USP6NL: variants seen among roughly 807,000 people sequenced by gnomAD.
USP6NL encodes the protein USP6 N-terminal-like protein.
A neutral mutation model predicts 61.9 loss-of-function variants in USP6NL; 26 were observed. The ratio of observed to expected loss-of-function variants is 0.42; its 90% CI spans 0.31 to 0.58. The LOEUF (loss-of-function observed/expected upper bound fraction) is 0.58. Among genes scored for constraint, USP6NL ranks in the 20% least tolerant of loss-of-function variants. The pLI is 0.16. For synonymous variants in USP6NL, 432 were observed against 390.1 expected (o/e 1.11, Z -1.27); for missense variants, 1,114 against 1,034.3 (o/e 1.08, Z -1.06).
At chr10:11,473,186 G>GT (rs965234880) in intron 14 of USP6NL, among the ~76,000 whole-genome samples, 16 of 152,054 alleles carry the variant, frequency 1.1e-4, no homozygotes, top group African/African-American at 3.6e-4. Context: ...ATAAACAGTA[G>GT]TTTTTTTATT....
chr10:11,527,323 G>T (rs1324061756), intron 3 of USP6NL, among the ~76,000 whole-genome samples, 177 bp downstream of exon 3: 1 of 152,214 alleles, frequency 6.6e-6, no homozygotes, highest in Admixed American at 6.5e-5. Flanking sequence ...GCAACCGACT[G>T]AAGTGGAGAA....
intron 2 of USP6NL, among the ~76,000 whole-genome samples, chr10:11,550,199 T>A (rs1836430857): frequency 1.3e-5 from 2 of 152,126 alleles, no homozygotes; most frequent in Non-Finnish European, 2.9e-5. Flanking sequence ...TAGGAGATAA[T>A]CTCGATGATA....
intron 2 of USP6NL, among the ~76,000 whole-genome samples, chr10:11,551,926 T>C (rs903671248): frequency 1.7e-4 from 26 of 152,186 alleles, no homozygotes; most frequent in Non-Finnish European, 7.4e-5. Flanking sequence ...CTTCCTAAAA[T>C]GGGCTTTAGT....
chr10:11,473,244 T>TACAGCC (rs939397461), intron 14 of USP6NL, among the ~76,000 whole-genome samples: 2 of 151,878 alleles, frequency 1.3e-5, no homozygotes, highest in South Asian at 2.1e-4. Context: ...AAGTAACAAA[T>TACAGCC]ACAGCCACAG....
At chr10:11,583,946 T>C (rs1837879248) in intron 2 of USP6NL, among the ~76,000 whole-genome samples, 1 of 152,112 alleles carries the variant, frequency 6.6e-6, no homozygotes, top group Non-Finnish European at 1.5e-5. Context: ...GGAGAATCGC[T>C]TGAACCCAGG....
At chr10:11,572,951 T>C (rs1837414526) in intron 2 of USP6NL, among the ~76,000 whole-genome samples, 1 of 152,134 alleles carries the variant, frequency 6.6e-6, no homozygotes, top group Non-Finnish European at 1.5e-5. Flanking sequence ...CATTAGCTCA[T>C]TTAAGATCTG....
In USP6NL at chr10:11,575,444, T is replaced by C. The variant is rs1471864910; in HGVS notation, c.4+22187A>G. Among the ~76,000 whole-genome samples, 1 of 152,230 alleles carries C rather than the reference T, an allele frequency of 6.6e-6. No individual in the cohort carries two copies. On this transcript the variant is annotated intron_variant, in intron 2 of 14. Transcript: ENST00000609104. The surrounding 1 kb of genome is among the most constrained non-coding windows in gnomAD (Gnocchi z 4.2). ...TTTTGACAGGTAACTTTCCATTAGC[T>C]TTCCTCTCTCCCAGTCTTTCTCTTT...
rs1832414473 is a variant in USP6NL at position 11,465,558 on chromosome 10, A to T, written c.1079-1709T>A. 6.6e-6 allele frequency among the ~76,000 whole-genome samples: 1 copy of T among 152,222 alleles called. No individual in the cohort carries two copies. Among genetic ancestry groups the T allele is most frequent in the South Asian group, 2.1e-4 (1 of 4,826 alleles). ...TTCTCCATAGCAGTATTTAAAAAAC[A>T]AACAAAACCAAAAAAGGAATAGATT... On this transcript the variant is annotated intron_variant, in intron 14 of 14. Transcript: ENST00000609104. This position sits in a 1 kb window ranked among gnomAD's most constrained non-coding sequence, Gnocchi z 4.5.
intron 4 of USP6NL, among the ~76,000 whole-genome samples, chr10:11,524,439 C>A (rs1835341144): frequency 6.6e-6 from 1 of 152,114 alleles, no homozygotes; most frequent in African/African-American, 2.4e-5. Flanking sequence ...GACCAGAGAA[C>A]AGCAAAGCCA....
intron 2 of USP6NL, among the ~76,000 whole-genome samples, chr10:11,555,433 A>AATATATATATATATAT (rs1157927483): frequency 7.6e-4 from 37 of 48,994 alleles, no homozygotes; most frequent in Non-Finnish European, 1.1e-3. Flanking sequence ...AAAAAAAAAA[A>AATATATATATATATAT]ATATATATAT....
intron 2 of USP6NL, among the ~76,000 whole-genome samples, chr10:11,550,739 G>A (rs1041378387): frequency 4.6e-5 from 7 of 151,768 alleles, no homozygotes; most frequent in African/African-American, 1.7e-4. Flanking sequence ...CTGGGCAACA[G>A]AGTGAGACTC....
rs1005955094 is a variant in USP6NL, at chr10:11,465,647, C to G, written c.1079-1798G>C. Among the ~76,000 whole-genome samples the G allele has an allele frequency of 6.6e-6, 1 of 152,216 alleles. No homozygotes were observed. The highest frequency in any genetic ancestry group is 2.4e-5 in the African/African-American group (1 of 41,454). ...TGTGCCTGTACGTGCTCTCCCCACA[C>G]CGTGCTGGCAGCGGAAGCACCCAAG... On this transcript the variant is annotated intron_variant, in intron 14 of 14. Coordinates refer to ENST00000609104, the MANE Select transcript of USP6NL (RefSeq NM_014688.5). This position sits in a 1 kb window ranked among gnomAD's most constrained non-coding sequence, Gnocchi z 4.5.
intron 5 of USP6NL, among the ~76,000 whole-genome samples, chr10:11,512,451 T>G (rs777832451): frequency 2.7e-4 from 41 of 152,166 alleles, no homozygotes; most frequent in Non-Finnish European, 1.5e-4. Context: ...GATCCTTGTC[T>G]TCACTCCAGC....
At chr10:11,568,334 A>G (rs552901395) in intron 2 of USP6NL, among the ~76,000 whole-genome samples, 23 of 152,314 alleles carry the variant, frequency 1.5e-4, no homozygotes, top group Admixed American at 1.3e-3. Flanking sequence ...ATCTAATCAC[A>G]TTATAGATAG....
At chr10:11,483,235 T>C (rs914957973) in intron 13 of USP6NL, among the ~76,000 whole-genome samples, 2 of 152,082 alleles carry the variant, frequency 1.3e-5, no homozygotes, top group Non-Finnish European at 2.9e-5. Context: ...ACAGCTCATT[T>C]AGTCTAATGA....
intron 2 of USP6NL, among the ~76,000 whole-genome samples, chr10:11,527,818 T>C (rs1171600935): frequency 6.6e-6 from 1 of 152,152 alleles, no homozygotes; most frequent in Non-Finnish European, 1.5e-5. Flanking sequence ...CCTTCATGAA[T>C]CAATTTCGGA....
At position 11,487,580 on chromosome 10, in the gene USP6NL, G is replaced by A. The variant is rs536992462; in HGVS notation, c.664+1522C>T. On this transcript the variant is annotated intron_variant, in intron 10 of 14. Transcript: ENST00000609104. This position sits in a 1 kb window ranked among gnomAD's most constrained non-coding sequence, Gnocchi z 4.2. ...AGACAGATCAGCAACACAATCCCAC[G>A]GGAAAGCAAAATAAAGACTGACAGG... 3.0e-4 allele frequency among the ~76,000 whole-genome samples: 45 copies of A among 152,224 alleles called. 1 individual carries two copies. Among genetic ancestry groups the A allele is most frequent in the Admixed American group, 1.4e-3 (22 of 15,280 alleles).
In USP6NL at chr10:11,463,804, G is replaced by A; in HGVS notation, c.1124C>T (p.Pro375Leu). 6.7e-7 allele frequency: 1 copy of A among 1,486,592 alleles called. No individual in the cohort carries two copies. The highest frequency in any genetic ancestry group is 8.9e-7 in the Non-Finnish European group (1 of 1,119,246). 92.1% of individuals were successfully genotyped at this position (1,486,592 alleles called of 1,614,324 possible). A position where few individuals can be genotyped will look rare whatever the true frequency, so the allele number is the denominator to read the frequency against. ...ATGGACGCCCCAAGACTGAAGTTCA[G>A]GTGGAAGCTGCCCCAAGGGCTTCTT... Reference protein sequence around the residue: ...YPKKPLGQLPPELQSWGVHHL... With the variant: ...YPKKPLGQLPLELQSWGVHHL... Residue 375 changes from proline (P) to leucine (L), a missense_variant, in exon 15 of 15, where the codon CCT (proline) becomes CTT (leucine). Physicochemically the swap from Pro to Leu is moderately conservative, Grantham distance 98 (BLOSUM62 -3). Transcript: ENST00000609104. This position sits in a 1 kb window ranked among gnomAD's most constrained non-coding sequence, Gnocchi z 6.3.
chr10:11,571,688 T>C (rs1837367468), intron 2 of USP6NL, among the ~76,000 whole-genome samples: 1 of 151,930 alleles, frequency 6.6e-6, no homozygotes, highest in South Asian at 2.1e-4. Flanking sequence ...CAGTGTTTTA[T>C]ATTTGTCCAT....
Sources: gnomAD v4.1 joint callset for allele counts (sites outside exome capture counted in the v4.1 genomes callset) on GRCh38, gnomAD v4.1.1 for gene constraint, Gnocchi (gnomAD v3.1) non-coding constraint, MANE v1.5 for transcripts, NCBI Gene and HGNC (gene_info 2026-07-23, HGNC 2026-07-21) for gene names.